COL25A1: variants seen among roughly 807,000 people sequenced by gnomAD.
COL25A1 encodes collagen type XXV alpha 1 chain.
COL25A1 carries 103 observed loss-of-function variants against 128.4 expected under a neutral mutation model. The observed-to-expected ratio is 0.80, with a 90% confidence interval of 0.68 to 0.94. The LOEUF (loss-of-function observed/expected upper bound fraction) is 0.94. COL25A1 is among the 40% of genes least tolerant of loss of function. COL25A1 has a pLI of 0.00. For missense variants in COL25A1, 745 were observed against 840.0 expected, an observed-to-expected ratio of 0.89 and a Z score of 1.40; for synonymous variants, 279 against 277.2, an observed-to-expected ratio of 1.01 and a Z score of -0.06.
chr4:109,299,706 G>A (rs1350924567), intron 3 of COL25A1, among the ~76,000 whole-genome samples: 1 of 152,104 alleles, frequency 6.6e-6, no homozygotes, highest in Non-Finnish European at 1.5e-5. Flanking sequence ...GTTCATAAAT[G>A]TATTAACAAT....
At chr4:109,054,389 T>A (rs1761269623) in intron 3 of COL25A1, among the ~76,000 whole-genome samples, 1 of 152,202 alleles carries the variant, frequency 6.6e-6, no homozygotes, top group South Asian at 2.1e-4. Context: ...ATTTGTATGA[T>A]TATTGTGAGG....
chr4:109,003,153 G>A (rs1755620037), intron 6 of COL25A1, among the ~76,000 whole-genome samples: 1 of 152,186 alleles, frequency 6.6e-6, no homozygotes, highest in Non-Finnish European at 1.5e-5. Flanking sequence ...CATAGCAAAA[G>A]AAACTATCAT....
At chr4:109,060,609 T>C (rs1761875360) in intron 3 of COL25A1, among the ~76,000 whole-genome samples, 1 of 151,852 alleles carries the variant, frequency 6.6e-6, no homozygotes, top group African/African-American at 2.4e-5. Flanking sequence ...TCTGAATGTC[T>C]CTCATTTGTC....
At chr4:109,005,651 G>A (rs868414725) in intron 6 of COL25A1, among the ~76,000 whole-genome samples, 7 of 152,246 alleles carry the variant, frequency 4.6e-5, no homozygotes, top group Middle Eastern at 3.4e-3. Context: ...AGTCAGAAGT[G>A]TAGATTAGAA....
At chr4:108,871,196 G>A (rs1272913004) in intron 19 of COL25A1, among the ~76,000 whole-genome samples, 1 of 152,106 alleles carries the variant, frequency 6.6e-6, no homozygotes, top group Non-Finnish European at 1.5e-5. Flanking sequence ...TTATGTGCTA[G>A]CTGAAAGCAT....
intron 21 of COL25A1, among the ~76,000 whole-genome samples, chr4:108,862,898 T>G (rs1041290292): frequency 6.6e-6 from 1 of 152,212 alleles, no homozygotes; most frequent in African/African-American, 2.4e-5. Context: ...TAAAATAAAG[T>G]GTGACCACAT....
At chr4:108,908,128 C>T (rs1183794038) in intron 13 of COL25A1, among the ~76,000 whole-genome samples, 1 of 152,122 alleles carries the variant, frequency 6.6e-6, no homozygotes. Flanking sequence ...TTGCTTTTTC[C>T]AGCCCCCTGC....
At chr4:109,031,733 G>C (rs1758886369) in intron 5 of COL25A1, among the ~76,000 whole-genome samples, 1 of 151,954 alleles carries the variant, frequency 6.6e-6, no homozygotes, top group Non-Finnish European at 1.5e-5. Flanking sequence ...CTGTGTAGAG[G>C]CCCTTAGCCC....
rs1470290423 is a variant in COL25A1 at position 108,810,304 on chromosome 4, A to G, written c.*3623T>C. 6.6e-6 allele frequency: 1 copy of G among 152,004 alleles called. No homozygotes were observed. The highest frequency in any genetic ancestry group is 1.5e-5 in the Non-Finnish European group (1 of 67,862). The allele number at this position is 152,004 out of a possible 1,614,324, so 9.4% of individuals were successfully genotyped here. On this transcript the variant is annotated 3_prime_UTR_variant, in exon 38 of 38. Transcript: ENST00000399132. ...TGCTGATTTGACAATTTTCTAAACT[A>G]GCACATATGTCTATATAGATAGATA...
chr4:108,920,155 G>A (rs993347420), intron 12 of COL25A1, among the ~76,000 whole-genome samples: 1 of 152,160 alleles, frequency 6.6e-6, no homozygotes, highest in Non-Finnish European at 1.5e-5. Context: ...CAGCAAAGAA[G>A]GACACCAGTA....
chr4:108,823,579 GAGAT>G (rs1732025759), intron 35 of COL25A1, among the ~76,000 whole-genome samples: 1 of 152,178 alleles, frequency 6.6e-6, no homozygotes, highest in South Asian at 2.1e-4. Context: ...TGATGGTTCT[GAGAT>G]AGAACTTCAA....
At chr4:109,197,493 TAA>T (rs1364518823) in intron 3 of COL25A1, among the ~76,000 whole-genome samples, 12 of 127,734 alleles carry the variant, frequency 9.4e-5, no homozygotes, top group Non-Finnish European at 1.8e-4. Context: ...ATATTATATA[TAA>T]ATATATATTA....
intron 6 of COL25A1, among the ~76,000 whole-genome samples, chr4:108,994,119 G>A (rs1393365915): frequency 6.6e-6 from 1 of 152,184 alleles, no homozygotes; most frequent in Non-Finnish European, 1.5e-5. Flanking sequence ...AGTGGGTGCA[G>A]CCCACAGAGG....
intron 5 of COL25A1, among the ~76,000 whole-genome samples, chr4:109,029,396 T>C (rs111725652): frequency 5.3e-5 from 8 of 152,180 alleles, no homozygotes; most frequent in African/African-American, 1.9e-4. Flanking sequence ...GCCCACGTCA[T>C]TCACCTCACT....
At chr4:109,050,009 G>T in intron 4 of COL25A1, 126 bp downstream of exon 4, 1 of 630,424 alleles carries the variant, frequency 1.6e-6, no homozygotes, top group Non-Finnish European at 2.7e-6. Flanking sequence ...ACTAGGTCTA[G>T]CAGAGAAAGA....
At chr4:109,112,102 A>T (rs1428743716) in intron 3 of COL25A1, among the ~76,000 whole-genome samples, 2 of 150,428 alleles carry the variant, frequency 1.3e-5, no homozygotes, top group East Asian at 1.9e-4. Flanking sequence ...TGAGGGAATT[A>T]AAAAAAACAG....
intron 3 of COL25A1, among the ~76,000 whole-genome samples, chr4:109,210,251 C>G (rs769155672): frequency 5.9e-5 from 9 of 152,010 alleles, no homozygotes; most frequent in South Asian, 2.1e-4. Context: ...TGTCAAAAAA[C>G]TCCATTTTAT....
At chr4:109,184,434 T>C (rs1417171993) in intron 3 of COL25A1, among the ~76,000 whole-genome samples, 1 of 152,154 alleles carries the variant, frequency 6.6e-6, no homozygotes, top group Non-Finnish European at 1.5e-5. Flanking sequence ...AAAAGGATCA[T>C]GTCCAGGGCC....
At chr4:109,145,385 A>G (rs1433415335) in intron 3 of COL25A1, among the ~76,000 whole-genome samples, 1 of 152,164 alleles carries the variant, frequency 6.6e-6, no homozygotes, top group Non-Finnish European at 1.5e-5. Flanking sequence ...GCTTTTACCT[A>G]AATGATATAG....
Sources: gnomAD v4.1 joint callset for allele counts (sites outside exome capture counted in the v4.1 genomes callset) on GRCh38, gnomAD v4.1.1 for gene constraint, MANE v1.5 for transcripts, NCBI Gene and HGNC (gene_info 2026-07-23, HGNC 2026-07-21) for gene names.